Variants in SCIN observed in about 807,000 individuals in gnomAD.
SCIN encodes the protein scinderin.
SCIN carries 91 observed loss-of-function variants against 91.8 expected under a neutral mutation model. That is an observed-to-expected ratio of 0.99 (90% CI 0.84 to 1.18). SCIN has a LOEUF of 1.18. SCIN is among the 50% of genes most tolerant of loss of function. The pLI, the probability that SCIN is intolerant of heterozygous loss-of-function variation, is 0.00. For missense variants in SCIN, 1,087 were observed against 863.9 expected (o/e 1.26, Z -3.24); for synonymous variants, 367 against 312.6 (o/e 1.17, Z -1.84).
At chr7:12,573,007 G>GA (rs901856695) in intron 1 of SCIN, among the ~76,000 whole-genome samples, 45 of 147,966 alleles carry the variant, frequency 3.0e-4, no homozygotes, top group Middle Eastern at 3.5e-3. Flanking sequence ...AGCCTTTAGA[G>GA]AAAAAAAAAA....
intron 3 of SCIN, among the ~76,000 whole-genome samples, chr7:12,602,678 G>C (rs1466743406): frequency 6.6e-6 from 1 of 152,076 alleles, no homozygotes; most frequent in Admixed American, 6.5e-5. Flanking sequence ...CTACTTGCAC[G>C]TCCATTTATA....
rs765661977 is a variant in SCIN, at chr7:12,624,014, C to G, written c.760-996C>G. 7.2e-5 allele frequency among the ~76,000 whole-genome samples: 11 copies of G among 152,270 alleles called. 1 individual carries two copies. The Middle Eastern group carries it at 0.01, about 141-fold the overall frequency. The stretch of plus-strand genomic sequence containing the variant: ...ACATCATCAACCAAAACTGTTCTCC[C>G]TCCTGGACAGCATTATGAACTAAAG... On this transcript the variant is annotated intron_variant, in intron 5 of 15. Transcript: ENST00000297029.
chr7:12,585,919 G>A (rs1487247405), intron 3 of SCIN, among the ~76,000 whole-genome samples: 1 of 152,142 alleles, frequency 6.6e-6, no homozygotes, highest in Non-Finnish European at 1.5e-5. Context: ...TGATATCCAC[G>A]TCAGATATTG....
intron 3 of SCIN, among the ~76,000 whole-genome samples, chr7:12,604,193 C>A (rs1019204622): frequency 6.6e-6 from 1 of 151,948 alleles, no homozygotes; most frequent in Non-Finnish European, 1.5e-5. Context: ...TTTACAGATT[C>A]TTTACTACTT....
chr7:12,636,070 G>A lies in SCIN; in HGVS notation c.1345G>A (p.Glu449Lys), dbSNP rs763690742. The change falls in exon 10 of 16, where the codon GAG (glutamate) becomes AAG (lysine). Residue 449 changes from glutamate to lysine, a missense_variant. By Grantham distance (56) the Glu-to-Lys change is moderately conservative. Coordinates refer to ENST00000297029, the MANE Select transcript of SCIN (RefSeq NM_001112706.3). ...GCAAGGAGCAAATGCCACACGAGAT[G>A]AGCTGACAACATCTGCGTTCCTGAC... ...TWQGANATRDELTTSAFLTVQ... is the reference protein window; with the variant it reads ...TWQGANATRDKLTTSAFLTVQ... 5.0e-6 allele frequency: 8 copies of A among 1,612,970 alleles called. No individual in the cohort carries two copies. The East Asian group carries it at 6.7e-5, about 14-fold the overall frequency.
At position 12,652,628 on chromosome 7, in the gene SCIN, G is replaced by A. The variant is rs753107786; in HGVS notation, c.2061G>A (p.Lys687=). The change falls in exon 16 of 16, where the codon AAG becomes AAA. Residue 687 remains lysine, a synonymous_variant. Coordinates refer to ENST00000297029, the MANE Select transcript of SCIN (RefSeq NM_001112706.3). ...YLETDPSGRD[K]RTPIVIIKQG... ...AGACAGACCCTTCTGGAAGAGACAA[G>A]AGGACACCAATTGTCATCATAAAAC... 6.2e-7 allele frequency: 1 copy of A among 1,612,886 alleles called. No individual in the cohort carries two copies. The highest frequency in any genetic ancestry group is 8.5e-7 in the Non-Finnish European group (1 of 1,179,468).
chr7:12,593,461 A>G (rs1176590462), intron 3 of SCIN, among the ~76,000 whole-genome samples: 2 of 152,318 alleles, frequency 1.3e-5, no homozygotes, highest in Non-Finnish European at 1.5e-5. Flanking sequence ...GTTCCTACAT[A>G]TGTAACAAAC....
Position 12,640,441 on chromosome 7 carries a change from G to T in SCIN, c.1505G>T (p.Gly502Val). ...TACAAGAATGGAACATCAAAGAAAG[G>T]AGGTCAGGCACCTGCTCCCCCTACA... Reference protein sequence around the residue: ...IIYKNGTSKKGGQAPAPPTRL... With the variant: ...IIYKNGTSKKVGQAPAPPTRL... Residue 502 changes from glycine (G) to valine (V), a missense_variant, in exon 11 of 16, where the codon GGA becomes GTA. Coordinates refer to ENST00000297029, the MANE Select transcript of SCIN (RefSeq NM_001112706.3). 1 of 1,613,348 alleles carries T rather than the reference G, an allele frequency of 6.2e-7. No homozygotes were observed. Among genetic ancestry groups the T allele is most frequent in the African/African-American group, 1.3e-5 (1 of 74,942 alleles).
chr7:12,639,176 C>A (rs1327008821), intron 10 of SCIN, among the ~76,000 whole-genome samples: 6 of 152,250 alleles, frequency 3.9e-5, no homozygotes, highest in African/African-American at 1.4e-4. Flanking sequence ...TCTCCTTTGA[C>A]AGTAAGGGAT....
chr7:12,641,231 T>C lies in SCIN; in HGVS notation c.1581+714T>C, dbSNP rs1783851802. On this transcript the variant is annotated intron_variant, in intron 11 of 15. Transcript: ENST00000297029. ...AGTCAATCAGCAGACCCCTTAAACT[T>C]GGGTTGGTCATCTCATCCCTCCACC... is the stretch of plus-strand genomic sequence containing the variant. 3.9e-5 allele frequency among the ~76,000 whole-genome samples: 6 copies of C among 152,058 alleles called. No homozygotes were observed. The South Asian group carries it at 1.2e-3, about 32-fold the overall frequency.
At chr7:12,582,100 G>T (rs1299910823) in intron 3 of SCIN, among the ~76,000 whole-genome samples, 3 of 152,170 alleles carry the variant, frequency 2.0e-5, no homozygotes, top group Admixed American at 2.0e-4. Context: ...GGAGTCATGA[G>T]CTGACCTGCA....
rs777534555 is a variant in SCIN at position 12,622,870 on chromosome 7, A to G, written c.736A>G (p.Arg246Gly). The change falls in exon 5 of 16, where the codon AGG (arginine) becomes GGG (glycine). Residue 246 changes from arginine (R) to glycine (G), a missense_variant. Physicochemically the swap from Arg to Gly is moderately radical, Grantham distance 125. Coordinates refer to ENST00000297029, the MANE Select transcript of SCIN (RefSeq NM_001112706.3). Reference protein sequence around the residue: ...DDDIIADISNRKMAKLYMVSD... With the variant: ...DDDIIADISNGKMAKLYMVSD... ...TGACATTATAGCAGACATAAGTAACAGGAAAATGGCTAAACTATACATGGT... is the reference window on the plus strand; with the variant it reads ...TGACATTATAGCAGACATAAGTAACGGGAAAATGGCTAAACTATACATGGT... The G allele has an allele frequency of 6.2e-7, 1 of 1,612,718 alleles. No individual in the cohort carries two copies. Among genetic ancestry groups the G allele is most frequent in the Non-Finnish European group, 8.5e-7 (1 of 1,179,004 alleles).
chr7:12,618,877 T>A (rs1201780179), intron 4 of SCIN, among the ~76,000 whole-genome samples: 2 of 152,160 alleles, frequency 1.3e-5, no homozygotes, highest in East Asian at 3.8e-4. Flanking sequence ...AACAGAGTCA[T>A]CTACCCTAAA....
intron 13 of SCIN, among the ~76,000 whole-genome samples, chr7:12,646,804 G>A (rs1325964430): frequency 1.3e-5 from 2 of 152,080 alleles, no homozygotes; most frequent in Non-Finnish European, 2.9e-5. Context: ...CAGATATTTT[G>A]ATTACTAGAA....
chr7:12,616,506 T>C (rs576898883), intron 4 of SCIN, among the ~76,000 whole-genome samples: 5 of 152,248 alleles, frequency 3.3e-5, no homozygotes, highest in African/African-American at 1.2e-4. Context: ...AATAAATTTA[T>C]TTTCTTTATA....
At chr7:12,576,178 A>G (rs538589951) in intron 1 of SCIN, among the ~76,000 whole-genome samples, 5 of 152,268 alleles carry the variant, frequency 3.3e-5, no homozygotes, top group African/African-American at 9.6e-5. Context: ...AAGGCATCAT[A>G]AAAATCTACA....
intron 9 of SCIN, among the ~76,000 whole-genome samples, chr7:12,630,143 G>A (rs1056013496): frequency 2.6e-5 from 4 of 151,788 alleles, no homozygotes; most frequent in African/African-American, 4.8e-5. Flanking sequence ...ACCTCACACC[G>A]AGACAGTCAC....
intron 3 of SCIN, among the ~76,000 whole-genome samples, chr7:12,591,302 G>A (rs184785837): frequency 4.3e-4 from 65 of 152,294 alleles, no homozygotes; most frequent in African/African-American, 1.5e-3. Flanking sequence ...TGCTTGGGAG[G>A]AGAGGAGATC....
At chr7:12,626,904 A>G in intron 8 of SCIN, 105 bp downstream of exon 8, 2 of 973,412 alleles carry the variant, frequency 2.1e-6, no homozygotes, top group Non-Finnish European at 3.1e-6. Context: ...AGCCTGGCCA[A>G]CATGGTGAAA....
Sources: gnomAD v4.1 joint callset for allele counts (sites outside exome capture counted in the v4.1 genomes callset) on GRCh38, gnomAD v4.1.1 for gene constraint, MANE v1.5 for transcripts, NCBI Gene and HGNC (gene_info 2026-07-23, HGNC 2026-07-21) for gene names.